The following C11orf54 variants were observed in gnomAD, a reference collection of about 807,000 sequenced individuals.
C11orf54 encodes the protein beta-keto-L-gulonate decarboxylase.
A neutral mutation model predicts 35.5 loss-of-function variants in C11orf54; 29 were observed. That is an observed-to-expected ratio of 0.82 (90% CI 0.61 to 1.11). The LOEUF is 1.11. Ranked by LOEUF, C11orf54 falls within the 50% of genes most tolerant of loss-of-function variation. C11orf54 has a pLI of 0.00. For missense variants in C11orf54, 373 were observed against 369.2 expected (o/e 1.01, Z -0.08); for synonymous variants, 108 against 121.1 (o/e 0.89, Z 0.71).
Position 93,750,455 on chromosome 11 carries a change from T to C in C11orf54, c.154+11T>C, listed in dbSNP as rs770880685. ...CCTTTCCTGTAAAAGGTAAGCAATT[T>C]TTGCAATTAGCTTTTGTTTTTTAGT... On this transcript the variant is annotated intron_variant, in intron 3 of 8. Coordinates refer to ENST00000354421, the MANE Select transcript of C11orf54 (RefSeq NM_001286069.2). 4.4e-6 allele frequency: 7 copies of C among 1,592,310 alleles called. No homozygotes were observed. Among genetic ancestry groups the C allele is most frequent in the Admixed American group, 3.4e-5 (2 of 59,068 alleles).
Position 93,764,636 on chromosome 11 carries a change from CAG to C in C11orf54, c.*2951_*2952del, listed in dbSNP as rs1943582753. 2.0e-5 allele frequency: 3 copies of C among 152,100 alleles called. No homozygotes were observed. In the South Asian group the frequency reaches 6.2e-4, roughly 32 times the overall value. 9.4% of individuals were successfully genotyped at this position (152,100 alleles called of 1,614,324 possible). ...TCTTAGTTTTCTTTCTTTATAGAGA[CAG>C]AGTTTCGCCGTGTTGGCCAGGCTGT... On this transcript the variant is annotated 3_prime_UTR_variant, in exon 9 of 9. Transcript: ENST00000354421.
chr11:93,751,246 G>A (rs1476748086), intron 3 of C11orf54, among the ~76,000 whole-genome samples: 1 of 152,134 alleles, frequency 6.6e-6, no homozygotes, highest in Non-Finnish European at 1.5e-5. Flanking sequence ...GATAACATTA[G>A]CATGAGGGGA....
intron 3 of C11orf54, among the ~76,000 whole-genome samples, chr11:93,751,128 A>T (rs1158030736): frequency 1.3e-5 from 2 of 152,228 alleles, no homozygotes; most frequent in Non-Finnish European, 2.9e-5. Context: ...ATTTGAGGAT[A>T]AACACTCAAA....
At position 93,755,106 on chromosome 11, in the gene C11orf54, T is replaced by C. The variant is rs78631819; in HGVS notation, c.331-104T>C. The C allele has an allele frequency of 9.1e-3, 10,688 of 1,178,602 alleles. 72 individuals are homozygous for C. Among genetic ancestry groups the C allele is most frequent in the Middle Eastern group, 0.015 (72 of 4,690 alleles). The allele number at this position is 1,178,602 out of a possible 1,614,324, so 73.0% of individuals were successfully genotyped here. On this transcript the variant is annotated intron_variant, in intron 5 of 8. Coordinates refer to ENST00000354421, the MANE Select transcript of C11orf54 (RefSeq NM_001286069.2). ...GTATTTTATGTTCTCTTATTAGGAC[T>C]TGAACTAAAATGTCTTAAAAGGATT...
Position 93,757,432 on chromosome 11 carries a change from A to C in C11orf54, c.624A>C (p.Ile208=). 6.3e-7 allele frequency: 1 copy of C among 1,598,316 alleles called. No homozygotes were observed. Among genetic ancestry groups the C allele is most frequent in the East Asian group, 2.2e-5 (1 of 44,868 alleles). ...CTATAGGAATGGGAGGTACTTTCAT[A>C]ATTCAGAAGGGAAAAGTGAAGTCTC... The part of the protein sequence containing the change: ...NKPIGMGGTF[I]IQKGKVKSHI... Residue 208 remains isoleucine (I), a synonymous_variant, in exon 7 of 9, where the codon ATA becomes ATC. Transcript: ENST00000354421.
At chr11:93,755,894 G>A (rs1051537866) in intron 6 of C11orf54, among the ~76,000 whole-genome samples, 13 of 151,882 alleles carry the variant, frequency 8.6e-5, no homozygotes, top group African/African-American at 2.4e-4. Context: ...GGCCAGACGC[G>A]GTGGCTCACG....
chr11:93,759,741 G>A lies in C11orf54; in HGVS notation c.658-1G>A, dbSNP rs1943356195. On this transcript the variant is annotated splice_acceptor_variant, in intron 7 of 8. Coordinates refer to ENST00000354421, the MANE Select transcript of C11orf54 (RefSeq NM_001286069.2). LOFTEE classifies it high-confidence loss of function. ...ACCTATGTAATTATCTTTTGTTGTA[G>A]CCTGCAGAATTTTCTTCCTGCCCCT... 2 of 1,561,456 alleles carry A rather than the reference G, an allele frequency of 1.3e-6. No individual in the cohort carries two copies. Among genetic ancestry groups the A allele is most frequent in the Non-Finnish European group, 1.8e-6 (2 of 1,139,960 alleles).
In C11orf54 at chr11:93,764,729, T is replaced by C. The variant is rs75562591; in HGVS notation, c.*3041T>C. 0.03 allele frequency: 4,609 copies of C among 152,292 alleles called. 110 individuals carry two copies. Among genetic ancestry groups the C allele is most frequent in the Non-Finnish European group, 0.046 (3,124 of 68,018 alleles). 9.4% of individuals were successfully genotyped at this position (152,292 alleles called of 1,614,324 possible). On this transcript the variant is annotated 3_prime_UTR_variant, in exon 9 of 9. Transcript: ENST00000354421. ...TCTCAAATTGCTGGGATTACAGGCA[T>C]GAGGCACTGCACCTCACCCAAAGTG... is the stretch of plus-strand genomic sequence containing the variant.
chr11:93,759,141 C>T (rs1331804441), intron 7 of C11orf54, among the ~76,000 whole-genome samples: 5 of 152,146 alleles, frequency 3.3e-5, no homozygotes, highest in African/African-American at 7.2e-5. Context: ...CCATTTGACC[C>T]GGCAATCCCA....
chr11:93,762,158 T>C lies in C11orf54; in HGVS notation c.*470T>C, dbSNP rs1005549897. 1 of 152,262 alleles carries C rather than the reference T, an allele frequency of 6.6e-6. No individual in the cohort carries two copies. The highest frequency in any genetic ancestry group is 2.4e-5 in the African/African-American group (1 of 41,462). 9.4% of individuals were successfully genotyped at this position (152,262 alleles called of 1,614,324 possible). A position where few individuals can be genotyped will look rare whatever the true frequency, so the allele number is the denominator to read the frequency against. ...ATAAATATCAGGAATCATGCAATTA[T>C]TTCTACTATGTATTTAGTAGTATCT... On this transcript the variant is annotated 3_prime_UTR_variant, in exon 9 of 9. Coordinates refer to ENST00000354421, the MANE Select transcript of C11orf54 (RefSeq NM_001286069.2).
At chr11:93,751,845 T>A (rs1352206257) in intron 3 of C11orf54, among the ~76,000 whole-genome samples, 2 of 91,468 alleles carry the variant, frequency 2.2e-5, no homozygotes, top group Non-Finnish European at 4.4e-5. Flanking sequence ...TTTTTTTTTG[T>A]GTGTGTGTGT....
chr11:93,749,379 G>C (rs1942681008), intron 2 of C11orf54, among the ~76,000 whole-genome samples: 1 of 151,888 alleles, frequency 6.6e-6, no homozygotes, highest in Non-Finnish European at 1.5e-5. Flanking sequence ...CTACTGGGGA[G>C]TTTGAGGTGG....
In C11orf54 at chr11:93,761,496, T is replaced by G; in HGVS notation, c.775-19T>G. On this transcript the variant is annotated intron_variant, in intron 8 of 8. Coordinates refer to ENST00000354421, the MANE Select transcript of C11orf54 (RefSeq NM_001286069.2). The stretch of plus-strand genomic sequence containing the variant: ...ATCAATAATTTGAGTACTAACATAT[T>G]GTTTGTCTGTTATCTTAGGGGTTTG... 1 of 1,581,766 alleles carries G rather than the reference T, an allele frequency of 6.3e-7. No individual in the cohort carries two copies.
intron 2 of C11orf54, among the ~76,000 whole-genome samples, 191 bp downstream of exon 2, chr11:93,747,639 A>C (rs1249693608): frequency 5.4e-5 from 1 of 18,432 alleles, no homozygotes; most frequent in Non-Finnish European, 4.6e-4. Flanking sequence ...GAGAAAGTCC[A>C]AATTCTGTCT....
intron 7 of C11orf54, among the ~76,000 whole-genome samples, chr11:93,759,264 G>A (rs1378752216): frequency 6.6e-6 from 1 of 152,164 alleles, no homozygotes; most frequent in Non-Finnish European, 1.5e-5. Context: ...CAACTCAAAT[G>A]ACTGGATTAA....
Position 93,755,080 on chromosome 11 carries a change from T to G in C11orf54, c.331-130T>G. The G allele has an allele frequency of 5.3e-6, 5 of 936,872 alleles. No homozygotes were observed. The South Asian group carries it at 7.6e-5, about 14-fold the overall frequency. The allele number at this position is 936,872 out of a possible 1,614,324, so 58.0% of individuals were successfully genotyped here. A position where few individuals can be genotyped will look rare whatever the true frequency, so the allele number is the denominator to read the frequency against. The stretch of plus-strand genomic sequence containing the variant: ...TTTTTATGTCTAAAATTAAATATTA[T>G]GTATTTTATGTTCTCTTATTAGGAC... On this transcript the variant is annotated intron_variant, in intron 5 of 8. Coordinates refer to ENST00000354421, the MANE Select transcript of C11orf54 (RefSeq NM_001286069.2).
intron 2 of C11orf54, 66 bp downstream of exon 2, chr11:93,747,514 C>G (rs1334137496): frequency 1.6e-6 from 2 of 1,277,898 alleles, no homozygotes; most frequent in African/African-American, 1.5e-5. Flanking sequence ...TAAAAAGATT[C>G]TAAGATCTAT....
In C11orf54 at chr11:93,763,784, CCA is replaced by C. The variant is rs372820033; in HGVS notation, c.*2106_*2107del. 9.2e-5 allele frequency: 14 copies of C among 152,188 alleles called. No homozygotes were observed. Among genetic ancestry groups the C allele is most frequent in the Non-Finnish European group, 1.9e-4 (13 of 68,244 alleles). The allele number at this position is 152,188 out of a possible 1,614,324, so 9.4% of individuals were successfully genotyped here. A position where few individuals can be genotyped will look rare whatever the true frequency, so the allele number is the denominator to read the frequency against. ...AAGAAAAAAAAAATGACTGATGAAG[CCA>C]CACACACACCAACAGAGTATGAAAG... On this transcript the variant is annotated 3_prime_UTR_variant, in exon 9 of 9. Coordinates refer to ENST00000354421, the MANE Select transcript of C11orf54 (RefSeq NM_001286069.2).
chr11:93,752,783 C>G (rs1189347624), intron 3 of C11orf54, among the ~76,000 whole-genome samples: 2 of 125,560 alleles, frequency 1.6e-5, no homozygotes, highest in Non-Finnish European at 3.1e-5. Context: ...GAGTCTCGCT[C>G]TGTCACCCAG....
Sources: gnomAD v4.1 joint callset for allele counts (sites outside exome capture counted in the v4.1 genomes callset) on GRCh38, gnomAD v4.1.1 for gene constraint, MANE v1.5 for transcripts, NCBI Gene and HGNC (gene_info 2026-07-23, HGNC 2026-07-21) for gene names.